Variants in ATG4B observed in about 807,000 individuals in gnomAD.
ATG4B encodes cysteine protease ATG4B.
In ATG4B, 29 loss-of-function variants were observed where a neutral mutation model predicts 56.6. The observed-to-expected ratio is 0.51, with a 90% CI of 0.38 to 0.70. The LOEUF (loss-of-function observed/expected upper bound fraction) is 0.70. Ranked by LOEUF, ATG4B falls within the 30% of genes least tolerant of loss-of-function variation. The pLI is 0.00. For synonymous variants in ATG4B, 224 were observed against 206.1 expected, an observed-to-expected ratio of 1.09 and a Z score of -0.74; for missense variants, 461 against 515.5, an observed-to-expected ratio of 0.89 and a Z score of 1.02.
chr2:241,651,231 G>A lies in ATG4B; in HGVS notation c.113-33G>A. On this transcript the variant is annotated intron_variant, in intron 2 of 12. Coordinates refer to ENST00000404914, the MANE Select transcript of ATG4B (RefSeq NM_013325.5). The surrounding 1 kb of genome is among the most constrained non-coding windows in gnomAD (Gnocchi z 4.1). ...GACTTGCAAACTTAAGGCGTTGTGT[G>A]TGTGTGTTTTTTTTCTTTTAAACAA... 6.4e-7 allele frequency: 1 copy of A among 1,571,802 alleles called. No individual in the cohort carries two copies. Among genetic ancestry groups the A allele is most frequent in the Non-Finnish European group, 8.7e-7 (1 of 1,154,896 alleles).
Position 241,651,801 on chromosome 2 carries a change from C to T in ATG4B, c.184+466C>T. 2.1e-6 allele frequency: 2 copies of T among 952,254 alleles called. No individual in the cohort carries two copies. Among genetic ancestry groups the T allele is most frequent in the Non-Finnish European group, 3.0e-6 (2 of 677,832 alleles). The allele number at this position is 952,254 out of a possible 1,614,324, so 59.0% of individuals were successfully genotyped here. A position where few individuals can be genotyped will look rare whatever the true frequency, so the allele number is the denominator to read the frequency against. The stretch of plus-strand genomic sequence containing the variant: ...AGCCCTCATCTTTTTTAGTATTTTC[C>T]ACACTTAACCTGTGGGGAGATTTGA... On this transcript the variant is annotated intron_variant, in intron 3 of 12. Coordinates refer to ENST00000404914, the MANE Select transcript of ATG4B (RefSeq NM_013325.5). The surrounding 1 kb of genome is among the most constrained non-coding windows in gnomAD (Gnocchi z 4.1).
At chr2:241,647,146 C>T (rs554010971) in intron 1 of ATG4B, among the ~76,000 whole-genome samples, 22 of 152,256 alleles carry the variant, frequency 1.4e-4, no homozygotes, top group African/African-American at 5.1e-4. Context: ...TAATCCCATC[C>T]TAATTAAGGA....
chr2:241,659,309 T>G (rs1358887579), intron 7 of ATG4B, 122 bp downstream of exon 7: 1 of 865,916 alleles, frequency 1.2e-6, no homozygotes. Flanking sequence ...GCCGTGCAGG[T>G]GCTCCGTGGG....
intron 6 of ATG4B, among the ~76,000 whole-genome samples, chr2:241,656,547 T>A (rs1176404053): frequency 1.3e-5 from 2 of 152,156 alleles, no homozygotes; most frequent in Non-Finnish European, 2.9e-5. Flanking sequence ...GCTCGCTGTT[T>A]CTCCTGGTCC....
At position 241,673,734 on chromosome 2, in the gene ATG4B, T is replaced by C. The variant is rs752945028; in HGVS notation, c.*1470T>C. ...CTGCAGTGGTAATGTGTGGGACACC[T>C]TGACCAAAGGGGAGCTTTGTCTCGT... On this transcript the variant is annotated 3_prime_UTR_variant, in exon 13 of 13. Transcript: ENST00000404914. 8 of 455,188 alleles carry C rather than the reference T, an allele frequency of 1.8e-5. No individual in the cohort carries two copies. Among genetic ancestry groups the C allele is most frequent in the Admixed American group, 9.4e-5 (4 of 42,554 alleles). 28.2% of individuals were successfully genotyped at this position (455,188 alleles called of 1,614,324 possible).
intron 6 of ATG4B, among the ~76,000 whole-genome samples, chr2:241,658,882 G>A (rs1348524857): frequency 6.6e-6 from 1 of 152,212 alleles, no homozygotes; most frequent in Non-Finnish European, 1.5e-5. Flanking sequence ...ATGAATGGAG[G>A]CTGGGGCAAG....
Position 241,673,248 on chromosome 2 carries a change from G to T in ATG4B, c.*984G>T. ...CACCACAGGGTGGCATCACCTGGTGGCATTTCCAGAACCTCAGCCCCGATT... is the reference window on the plus strand; with the variant it reads ...CACCACAGGGTGGCATCACCTGGTGTCATTTCCAGAACCTCAGCCCCGATT... On this transcript the variant is annotated 3_prime_UTR_variant, in exon 13 of 13. Coordinates refer to ENST00000404914, the MANE Select transcript of ATG4B (RefSeq NM_013325.5). 1 of 319,646 alleles carries T rather than the reference G, an allele frequency of 3.1e-6. No homozygotes were observed. Among genetic ancestry groups the T allele is most frequent in the East Asian group, 7.7e-5 (1 of 13,040 alleles). The allele number at this position is 319,646 out of a possible 1,614,324, so 19.8% of individuals were successfully genotyped here. A position where few individuals can be genotyped will look rare whatever the true frequency, so the allele number is the denominator to read the frequency against.
chr2:241,647,490 G>A (rs953132365), intron 1 of ATG4B, among the ~76,000 whole-genome samples: 7 of 151,818 alleles, frequency 4.6e-5, no homozygotes, highest in East Asian at 1.9e-4. Context: ...GCGTGGTGGC[G>A]GGCGCTTGTA....
chr2:241,642,569 G>GTT (rs11381727), intron 1 of ATG4B, among the ~76,000 whole-genome samples: 1,714 of 150,348 alleles, frequency 0.011, 7 homozygotes, highest in Non-Finnish European at 0.014. Context: ...AAATTTACTC[G>GTT]TTTTTTTTTG....
chr2:241,638,302 G>C (rs2067748821), intron 1 of ATG4B: 1 of 152,262 alleles, frequency 6.6e-6, no homozygotes, highest in Non-Finnish European at 1.5e-5. Context: ...TGACGAGAAA[G>C]AGAAACAGTG....
At chr2:241,659,917 C>G (rs995636345) in intron 7 of ATG4B, 1 of 157,096 alleles carries the variant, frequency 6.4e-6, no homozygotes, top group Non-Finnish European at 1.4e-5. Flanking sequence ...TTAGGCCGGG[C>G]GCGGTGGCTC....
chr2:241,667,432 T>C (rs62190298), intron 8 of ATG4B, among the ~76,000 whole-genome samples: 87,672 of 151,322 alleles, frequency 0.58, 26,112 homozygotes, highest in Middle Eastern at 0.7. Flanking sequence ...GGTGAAACCC[T>C]GTCTCTACTA....
At chr2:241,642,167 G>T (rs1190844475) in intron 1 of ATG4B, among the ~76,000 whole-genome samples, 7 of 146,372 alleles carry the variant, frequency 4.8e-5, no homozygotes, top group East Asian at 2.0e-4. Context: ...CTGGGGAGTG[G>T]TTTTTTTTTT....
rs1469728432 is a variant in ATG4B at position 241,672,309 on chromosome 2, T to C, written c.*45T>C. On this transcript the variant is annotated 3_prime_UTR_variant, in exon 13 of 13. Transcript: ENST00000404914. ...GGCACCTGTGAGAGCCTGGGGCTCC[T>C]GGTGCCGCTGCGTTTCATCCATCCC... The C allele has an allele frequency of 7.4e-6, 11 of 1,490,880 alleles. No individual in the cohort carries two copies. The highest frequency in any genetic ancestry group is 1.8e-4 in the Middle Eastern group (1 of 5,712). The allele number at this position is 1,490,880 out of a possible 1,614,324, so 92.4% of individuals were successfully genotyped here.
At chr2:241,663,523 C>T (rs769318230) in intron 7 of ATG4B, among the ~76,000 whole-genome samples, 3 of 152,166 alleles carry the variant, frequency 2.0e-5, no homozygotes, top group Non-Finnish European at 4.4e-5. Context: ...GTGTACAGAA[C>T]TCAGAAGAAA....
intron 8 of ATG4B, 113 bp downstream of exon 8, chr2:241,666,951 A>AG: frequency 7.9e-7 from 1 of 1,266,580 alleles, no homozygotes. Flanking sequence ...CTCTCGGGGG[A>AG]GGGGTAAACA....
rs139513610 is a variant in ATG4B at position 241,642,324 on chromosome 2, C to T, written c.10+4600C>T. Among the ~76,000 whole-genome samples, 172 of 151,892 alleles carry T rather than the reference C, an allele frequency of 1.1e-3. 1 individual carries two copies. Among genetic ancestry groups the T allele is most frequent in the African/African-American group, 3.7e-3 (155 of 41,446 alleles). On this transcript the variant is annotated intron_variant, in intron 1 of 12. Transcript: ENST00000404914. ...TTCTGATGTAGCTAAATTTGGAGTT[C>T]CTTTCTCTCTTTCTCTGTTTTCATT...
chr2:241,640,911 A>C (rs1186263263), intron 1 of ATG4B, among the ~76,000 whole-genome samples: 4 of 152,164 alleles, frequency 2.6e-5, no homozygotes, highest in Non-Finnish European at 5.9e-5. Context: ...GCTCATAGTG[A>C]GGACTCAGTG....
chr2:241,643,694 T>TCCCCCC, intron 1 of ATG4B, among the ~76,000 whole-genome samples: 1 of 121,938 alleles, frequency 8.2e-6, no homozygotes, highest in African/African-American at 3.5e-5. Flanking sequence ...GTATATATTT[T>TCCCCCC]CCCCCCCCCC....
Sources: gnomAD v4.1 joint callset for allele counts (sites outside exome capture counted in the v4.1 genomes callset) on GRCh38, gnomAD v4.1.1 for gene constraint, Gnocchi (gnomAD v3.1) non-coding constraint, MANE v1.5 for transcripts, NCBI Gene and HGNC (gene_info 2026-07-23, HGNC 2026-07-21) for gene names.